CDK14: variants seen among roughly 807,000 people sequenced by gnomAD.
The protein encoded by CDK14 is cyclin dependent kinase 14.
A neutral mutation model predicts 60.7 loss-of-function variants in CDK14; 34 were observed. The observed-to-expected ratio is 0.56, with a 90% confidence interval of 0.43 to 0.75. The LOEUF is 0.75. Among genes scored for constraint, CDK14 ranks in the 30% least tolerant of loss-of-function variants. The pLI is 0.00. For missense variants in CDK14, 482 were observed against 564.1 expected, an observed-to-expected ratio of 0.85 and a Z score of 1.47; for synonymous variants, 197 against 203.7, an observed-to-expected ratio of 0.97 and a Z score of 0.28.
chr7:90,895,215 A>AT (rs1178095092), intron 6 of CDK14, among the ~76,000 whole-genome samples: 4 of 152,016 alleles, frequency 2.6e-5, no homozygotes, highest in Non-Finnish European at 4.4e-5. Flanking sequence ...TTAGAAAAAC[A>AT]TTTTTTTCCT....
rs11974496 is a variant in CDK14, at chr7:90,624,831, C to T, written c.123+20582C>T. ...TGAGGCAGTCTCATATATTATAGGG[C>T]GATAAGTCAGGATGCTGGAACCAGC... On this transcript the variant is annotated intron_variant, in intron 2 of 14. Transcript: ENST00000380050. Among the ~76,000 whole-genome samples, 1,381 of 152,152 alleles carry T rather than the reference C, an allele frequency of 9.1e-3. 13 individuals are homozygous for T. The highest frequency in any genetic ancestry group is 0.031 in the African/African-American group (1,273 of 41,512).
At chr7:91,076,064 A>G (rs760786350) in intron 11 of CDK14, among the ~76,000 whole-genome samples, 12 of 151,922 alleles carry the variant, frequency 7.9e-5, no homozygotes, top group Non-Finnish European at 1.8e-4. Flanking sequence ...TATAGATTCA[A>G]AGCTATCCCC....
chr7:90,672,661 A>G (rs1353438683), intron 2 of CDK14, among the ~76,000 whole-genome samples: 2 of 151,724 alleles, frequency 1.3e-5, no homozygotes, highest in Admixed American at 1.3e-4. Context: ...CTTGGACTAC[A>G]GGTGTACACC....
chr7:90,961,226 T>C (rs1794595179), intron 9 of CDK14, among the ~76,000 whole-genome samples: 1 of 152,194 alleles, frequency 6.6e-6, no homozygotes, highest in African/African-American at 2.4e-5. Flanking sequence ...GGTTATACTC[T>C]GAGTCATGTC....
chr7:90,821,774 C>T (rs1163738437), intron 5 of CDK14, among the ~76,000 whole-genome samples: 1 of 152,176 alleles, frequency 6.6e-6, no homozygotes, highest in East Asian at 1.9e-4. Flanking sequence ...TCCGGGGTCC[C>T]ATCATTATCT....
At chr7:90,946,991 C>T (rs1279838646) in intron 8 of CDK14, among the ~76,000 whole-genome samples, 3 of 152,184 alleles carry the variant, frequency 2.0e-5, no homozygotes, top group East Asian at 1.9e-4. Context: ...CAACAGACAA[C>T]GCAGATAAGA....
chr7:91,134,120 T>G (rs1562918914), intron 14 of CDK14, among the ~76,000 whole-genome samples: 1 of 152,124 alleles, frequency 6.6e-6, no homozygotes, highest in Non-Finnish European at 1.5e-5. Flanking sequence ...GAGGGCTTTT[T>G]GTGGGGGGAG....
intron 7 of CDK14, among the ~76,000 whole-genome samples, chr7:90,912,151 T>C (rs1401111663): frequency 6.6e-6 from 1 of 152,214 alleles, no homozygotes; most frequent in South Asian, 2.1e-4. Flanking sequence ...GAATAGAATA[T>C]CCTGAGATGG....
intron 6 of CDK14, among the ~76,000 whole-genome samples, chr7:90,882,121 A>G (rs1368098906): frequency 1.3e-5 from 2 of 152,142 alleles, no homozygotes; most frequent in Admixed American, 1.3e-4. Flanking sequence ...TAAATGCCTC[A>G]ATTAAAAGAC....
chr7:90,656,075 C>G (rs1340372678), intron 2 of CDK14, among the ~76,000 whole-genome samples: 1 of 152,158 alleles, frequency 6.6e-6, no homozygotes, highest in African/African-American at 2.4e-5. Flanking sequence ...TTTGCGACTT[C>G]CAGGCATAAT....
intron 5 of CDK14, among the ~76,000 whole-genome samples, chr7:90,820,027 C>T (rs1348656818): frequency 6.6e-6 from 1 of 152,110 alleles, no homozygotes; most frequent in African/African-American, 2.4e-5. Context: ...CCACACATTC[C>T]TGAGGTTTTT....
intron 7 of CDK14, among the ~76,000 whole-genome samples, chr7:90,909,946 C>T (rs1792838083): frequency 6.6e-6 from 1 of 152,074 alleles, no homozygotes; most frequent in African/African-American, 2.4e-5. Flanking sequence ...TCAAACAGGG[C>T]AAAACAGTGG....
chr7:90,950,262 C>CA lies in CDK14; in HGVS notation c.827-5434dup, dbSNP rs1317168215. On this transcript the variant is annotated intron_variant, in intron 8 of 14. Coordinates refer to ENST00000380050, the MANE Select transcript of CDK14 (RefSeq NM_001287135.2). The stretch of plus-strand genomic sequence containing the variant: ...CAGCTGATTTTTTATTTTCAATAGA[C>CA]ACGGGGTTTCACCATGTTGGCCAGG... Among the ~76,000 whole-genome samples, 9 of 152,016 alleles carry CA rather than the reference C, an allele frequency of 5.9e-5. No individual in the cohort carries two copies. The South Asian group carries it at 8.3e-4, about 14-fold the overall frequency.
chr7:90,767,432 C>A (rs2116880370), intron 4 of CDK14, among the ~76,000 whole-genome samples: 1 of 152,278 alleles, frequency 6.6e-6, no homozygotes, highest in African/African-American at 2.4e-5. Context: ...CTCCACTGTT[C>A]TAGTCAATTC....
intron 7 of CDK14, among the ~76,000 whole-genome samples, chr7:90,906,357 A>T (rs1385425936): frequency 6.6e-6 from 1 of 152,090 alleles, no homozygotes; most frequent in Non-Finnish European, 1.5e-5. Flanking sequence ...ACCAGGTGAG[A>T]TAAGCTATTG....
At chr7:90,884,158 A>G (rs932660468) in intron 6 of CDK14, among the ~76,000 whole-genome samples, 1 of 152,218 alleles carries the variant, frequency 6.6e-6, no homozygotes, top group Non-Finnish European at 1.5e-5. Context: ...CTGTTTGCAG[A>G]TGACATGATT....
At chr7:90,930,025 T>G (rs10487992) in intron 8 of CDK14, among the ~76,000 whole-genome samples, 28,642 of 152,110 alleles carry the variant, frequency 0.19, 2,857 homozygotes, top group African/African-American at 0.22. Flanking sequence ...TCTTTAGAGA[T>G]TTGATGCTCT....
At position 90,863,281 on chromosome 7, in the gene CDK14, A is replaced by G. The variant is rs1348065580; in HGVS notation, c.639+12A>G. ...TGTTTGAATATGTGGTAAGTAAAAT[A>G]AGACTTTTAAATTTAGACATTTAAA... On this transcript the variant is annotated intron_variant, in intron 6 of 14. Transcript: ENST00000380050. 1 of 1,449,072 alleles carries G rather than the reference A, an allele frequency of 6.9e-7. No homozygotes were observed. The highest frequency in any genetic ancestry group is 1.8e-5 in the Admixed American group (1 of 55,148). The allele number at this position is 1,449,072 out of a possible 1,614,324, so 89.8% of individuals were successfully genotyped here. A position where few individuals can be genotyped will look rare whatever the true frequency, so the allele number is the denominator to read the frequency against.
chr7:90,772,980 C>T (rs964050528), intron 4 of CDK14, among the ~76,000 whole-genome samples: 3 of 152,034 alleles, frequency 2.0e-5, no homozygotes, highest in African/African-American at 7.2e-5. Flanking sequence ...AAAAATTTTT[C>T]TGTACTGACC....
Sources: gnomAD v4.1 joint callset for allele counts (sites outside exome capture counted in the v4.1 genomes callset) on GRCh38, gnomAD v4.1.1 for gene constraint, MANE v1.5 for transcripts, NCBI Gene and HGNC (gene_info 2026-07-23, HGNC 2026-07-21) for gene names.